Variants in C13orf46 observed in about 807,000 individuals in gnomAD.
C13orf46 encodes the protein uncharacterized protein C13orf46.
chr13:113,940,350 C>T, the C13orf46 span, among the ~76,000 whole-genome samples: 1 of 152,248 alleles, frequency 6.6e-6, no homozygotes, highest in Non-Finnish European at 1.5e-5. Context: ...GGATGCCAGC[C>T]GAGTATTCCC....
chr13:113,943,343 A>C, the C13orf46 span, among the ~76,000 whole-genome samples: 1 of 152,352 alleles, frequency 6.6e-6, no homozygotes, highest in African/African-American at 2.4e-5. Context: ...TCAGAAAGGC[A>C]GGGCAATGCA....
chr13:113,962,993 T>C (rs1348092488), intron 6 of C13orf46, among the ~76,000 whole-genome samples: 2 of 152,154 alleles, frequency 1.3e-5, no homozygotes, highest in Non-Finnish European at 2.9e-5. Context: ...TCGAGGACTT[T>C]CTCTCTCCCT....
chr13:113,954,935 G>C lies in C13orf46; in HGVS notation c.*1838C>G, dbSNP rs1038236633. ...ACGAGGAGGAGCATCTGGCGGAGAC[G>C]AGGAGGAGGATCTGGCGGAGACGAG... On this transcript the variant is annotated 3_prime_UTR_variant, in exon 7 of 7. Coordinates refer to ENST00000636427, the MANE Select transcript of C13orf46 (RefSeq NM_001365455.2). 5.7e-6 allele frequency: 1 copy of C among 174,052 alleles called. No homozygotes were observed. Among genetic ancestry groups the C allele is most frequent in the Non-Finnish European group, 1.2e-5 (1 of 84,282 alleles). 10.8% of individuals were successfully genotyped at this position (174,052 alleles called of 1,614,324 possible). A position where few individuals can be genotyped will look rare whatever the true frequency, so the allele number is the denominator to read the frequency against.
the C13orf46 span, among the ~76,000 whole-genome samples, chr13:113,945,032 A>AGGTG: frequency 1.9e-5 from 2 of 107,472 alleles, no homozygotes; most frequent in African/African-American, 7.4e-5. Context: ...TGGATCCTCC[A>AGGTG]GGTGTGACAA....
the C13orf46 span, chr13:113,927,946 A>G: frequency 3.9e-6 from 1 of 253,260 alleles, no homozygotes; most frequent in Non-Finnish European, 7.5e-6. Context: ...GCGTTATGCA[A>G]TGCTCAGGCC....
chr13:113,953,459 T>C (rs1281137683), downstream of C13orf46, among the ~76,000 whole-genome samples: 11 of 149,006 alleles, frequency 7.4e-5, 1 homozygote, highest in African/African-American at 2.5e-4. Flanking sequence ...CCCCGGACAC[T>C]GTGACCCCCA....
downstream of C13orf46, among the ~76,000 whole-genome samples, chr13:113,952,912 C>T (rs2052495012): frequency 6.6e-6 from 1 of 152,246 alleles, no homozygotes; most frequent in Non-Finnish European, 1.5e-5. Flanking sequence ...CCCCCGGCCT[C>T]AGCAGCATCA....
chr13:113,948,030 C>A, the C13orf46 span, among the ~76,000 whole-genome samples: 1 of 152,248 alleles, frequency 6.6e-6, no homozygotes, highest in African/African-American at 2.4e-5. Flanking sequence ...CTCAGGCTGA[C>A]CCATGAAAAG....
Position 113,955,203 on chromosome 13 carries a change from TGGAGACGAGGAGCATCC to T in C13orf46, c.*1553_*1569del. 5.8e-6 allele frequency: 1 copy of T among 172,456 alleles called. No individual in the cohort carries two copies. Among genetic ancestry groups the T allele is most frequent in the South Asian group, 6.9e-5 (1 of 14,416 alleles). The allele number at this position is 172,456 out of a possible 1,614,324, so 10.7% of individuals were successfully genotyped here. A position where few individuals can be genotyped will look rare whatever the true frequency, so the allele number is the denominator to read the frequency against. ...TCTGGTGGAGAGGAGGAGCATCCCGTGGAGACGAGGAGCATCCCGTGGAGACGAGGAGCATCTGGCGG... is the reference window on the plus strand; with the variant it reads ...TCTGGTGGAGAGGAGGAGCATCCCGTCGTGGAGACGAGGAGCATCTGGCGG... On this transcript the variant is annotated 3_prime_UTR_variant, in exon 7 of 7. Transcript: ENST00000636427.
rs2052521013 is a variant in C13orf46 at position 113,955,562 on chromosome 13, CATCTCG to C, written c.*1205_*1210del. 2 of 148,154 alleles carry C rather than the reference CATCTCG, an allele frequency of 1.3e-5. No individual in the cohort carries two copies. The highest frequency in any genetic ancestry group is 2.9e-5 in the Non-Finnish European group (2 of 69,700). 9.2% of individuals were successfully genotyped at this position (148,154 alleles called of 1,614,324 possible). On this transcript the variant is annotated 3_prime_UTR_variant, in exon 7 of 7. Coordinates refer to ENST00000636427, the MANE Select transcript of C13orf46 (RefSeq NM_001365455.2). ...AGGAGCATCTCGTGGAGAGGAGGAG[CATCTCG>C]TGGAGAGGAGGAGCATCTCGTGGAG...
the C13orf46 span, among the ~76,000 whole-genome samples, chr13:113,938,330 G>A: frequency 1.3e-5 from 2 of 152,124 alleles, no homozygotes; most frequent in African/African-American, 2.4e-5. Context: ...AGTCCTGGAG[G>A]GGAAAGTGTG....
chr13:113,960,356 C>G (rs1001099868), intron 6 of C13orf46, among the ~76,000 whole-genome samples: 26 of 152,308 alleles, frequency 1.7e-4, no homozygotes, highest in Non-Finnish European at 1.5e-4. Flanking sequence ...CTGGTTTGCT[C>G]TTAATGAAAT....
intron 6 of C13orf46, among the ~76,000 whole-genome samples, chr13:113,958,193 A>G: frequency 7.8e-6 from 1 of 128,654 alleles, no homozygotes; most frequent in Admixed American, 8.2e-5. Flanking sequence ...ACCCCCTTTC[A>G]TCAAGTGCAC....
chr13:113,938,925 G>T, the C13orf46 span, among the ~76,000 whole-genome samples: 14 of 152,054 alleles, frequency 9.2e-5, no homozygotes, highest in South Asian at 2.9e-3. Context: ...GGAGGCTCAG[G>T]CCCTGCTGTG....
downstream of C13orf46, among the ~76,000 whole-genome samples, chr13:113,951,348 G>GC (rs2052487895): frequency 6.6e-6 from 1 of 152,180 alleles, no homozygotes; most frequent in Admixed American, 6.5e-5. Context: ...GTCCCTGCGG[G>GC]CCGGGCTGGA....
At chr13:113,963,589 G>C (rs935074476) in intron 6 of C13orf46, among the ~76,000 whole-genome samples, 1 of 127,008 alleles carries the variant, frequency 7.9e-6, no homozygotes, top group Admixed American at 8.4e-5. Flanking sequence ...CCTCAGCCTC[G>C]GCCCCTGTCC....
the C13orf46 span, among the ~76,000 whole-genome samples, chr13:113,945,550 AAAGAAAGAAAGAAAGAAAGAAAG>A: frequency 1.1e-5 from 1 of 91,022 alleles, no homozygotes; most frequent in Non-Finnish European, 2.6e-5. Context: ...AGAAAGAAAG[AAAGAAAGAAAGAAAGAAAGAAAG>A]AAAGAGAGAG....
At chr13:113,941,938 C>T in the C13orf46 span, among the ~76,000 whole-genome samples, 2 of 152,278 alleles carry the variant, frequency 1.3e-5, no homozygotes, top group African/African-American at 4.8e-5. Flanking sequence ...TTGCCGGCGG[C>T]TGACTCATTG....
chr13:113,969,996 G>GC (rs2052687139), intron 2 of C13orf46, among the ~76,000 whole-genome samples, 175 bp downstream of exon 2: 1 of 152,068 alleles, frequency 6.6e-6, no homozygotes, highest in Non-Finnish European at 1.5e-5. Flanking sequence ...GGATTTCCCA[G>GC]CCCTCCCATC....
Sources: allele counts gnomAD v4.1 joint callset (sites outside exome capture counted in the v4.1 genomes callset), GRCh38; gene constraint gnomAD v4.1.1; transcripts MANE v1.5; gene names NCBI Gene and HGNC (gene_info 2026-07-23, HGNC 2026-07-21).